C13orf46: variants seen among roughly 807,000 people sequenced by gnomAD.
The protein encoded by C13orf46 is chromosome 13 open reading frame 46.
chr13:113,927,912 C>T, the C13orf46 span: 7 of 302,638 alleles, frequency 2.3e-5, no homozygotes, highest in East Asian at 1.0e-4. Context: ...TGGCCCCAGG[C>T]GACGTGAGGG....
chr13:113,952,679 G>A (rs1032253395), downstream of C13orf46, among the ~76,000 whole-genome samples: 1 of 152,212 alleles, frequency 6.6e-6, no homozygotes, highest in African/African-American at 2.4e-5. Flanking sequence ...GAAGGCCAAG[G>A]GCAGCGTCCT....
chr13:113,965,947 ATGATGG>A lies in C13orf46; in HGVS notation c.505-959_505-954del, dbSNP rs1252230470. 5.0e-3 allele frequency among the ~76,000 whole-genome samples: 748 copies of A among 148,658 alleles called. 15 individuals carry two copies. In the East Asian group the frequency reaches 0.065, roughly 13 times the overall value. ...AATGATGATGATTATGATGGTGATG[ATGATGG>A]TGATGGTGATTATAATGTTGGTGAT... On this transcript the variant is annotated intron_variant, in intron 5 of 6. Coordinates refer to ENST00000636427, the MANE Select transcript of C13orf46 (RefSeq NM_001365455.2).
chr13:113,945,601 G>GAAGAA, the C13orf46 span, among the ~76,000 whole-genome samples: 2 of 114,258 alleles, frequency 1.8e-5, no homozygotes, highest in African/African-American at 7.1e-5. Flanking sequence ...GAGAAAGAAA[G>GAAGAA]AAAGAAGAAA....
At chr13:113,971,585 C>G (rs193077774) in intron 1 of C13orf46, among the ~76,000 whole-genome samples, 30 of 152,354 alleles carry the variant, frequency 2.0e-4, no homozygotes, top group African/African-American at 7.0e-4. Flanking sequence ...CGCTGGTCTC[C>G]TGTGCTCCGC....
At chr13:113,940,149 C>T in the C13orf46 span, among the ~76,000 whole-genome samples, 35 of 152,356 alleles carry the variant, frequency 2.3e-4, no homozygotes, top group Non-Finnish European at 4.9e-4. Context: ...GCCTCAGATG[C>T]ACCGTCAGCC....
At chr13:113,937,685 C>A in the C13orf46 span, among the ~76,000 whole-genome samples, 1,557 of 152,272 alleles carry the variant, frequency 0.01, 23 homozygotes, top group African/African-American at 0.036. Flanking sequence ...CAACATACAT[C>A]GGATGAACGC....
chr13:113,948,799 A>G (rs2052479075), downstream of C13orf46, among the ~76,000 whole-genome samples: 1 of 152,186 alleles, frequency 6.6e-6, no homozygotes, highest in African/African-American at 2.4e-5. Context: ...AAATTAAGAG[A>G]TTTGTATTGT....
At chr13:113,949,188 G>A (rs2052480114), downstream of C13orf46, among the ~76,000 whole-genome samples, 5 of 152,364 alleles carry the variant, frequency 3.3e-5, no homozygotes, top group South Asian at 1.0e-3. Context: ...AGCCCCCACG[G>A]TGCTCAGAGA....
At chr13:113,950,998 G>A (rs2052486506), downstream of C13orf46, among the ~76,000 whole-genome samples, 1 of 152,186 alleles carries the variant, frequency 6.6e-6, no homozygotes, top group Non-Finnish European at 1.5e-5. Context: ...AGGGTTTTGT[G>A]GGGTCACGTG....
chr13:113,926,564 C>T, the C13orf46 span: 3 of 152,100 alleles, frequency 2.0e-5, no homozygotes, highest in Non-Finnish European at 4.4e-5. Context: ...ACGGACAAAT[C>T]CATAGAGACA....
chr13:113,952,236 G>A (rs1207077346), downstream of C13orf46, among the ~76,000 whole-genome samples: 2 of 152,178 alleles, frequency 1.3e-5, no homozygotes, highest in Admixed American at 1.3e-4. Context: ...GGCGTGGCTG[G>A]AGGAACTGCG....
At chr13:113,932,423 G>T in the C13orf46 span, among the ~76,000 whole-genome samples, 1 of 152,216 alleles carries the variant, frequency 6.6e-6, no homozygotes, top group East Asian at 1.9e-4. Flanking sequence ...CCATGCTGGT[G>T]GGTTTGTAGG....
At chr13:113,927,849 T>G in the C13orf46 span, 1 of 379,410 alleles carries the variant, frequency 2.6e-6, no homozygotes, top group Admixed American at 4.6e-5. Context: ...ATGTCCAACT[T>G]TGTCAAGATC....
intron 5 of C13orf46, among the ~76,000 whole-genome samples, chr13:113,965,436 C>A (rs1047518240): frequency 5.3e-5 from 8 of 152,216 alleles, no homozygotes; most frequent in Non-Finnish European, 1.0e-4. Flanking sequence ...TTCACTACAG[C>A]AAAGACATGG....
the C13orf46 span, among the ~76,000 whole-genome samples, chr13:113,943,316 A>G: frequency 3.9e-5 from 6 of 152,164 alleles, no homozygotes; most frequent in Non-Finnish European, 4.4e-5. Flanking sequence ...TACATTTAAG[A>G]AATATGCTGG....
At chr13:113,949,297 T>C (rs1204262523), downstream of C13orf46, among the ~76,000 whole-genome samples, 2 of 152,032 alleles carry the variant, frequency 1.3e-5, no homozygotes, top group Non-Finnish European at 2.9e-5. Flanking sequence ...CCCTGGGAGG[T>C]GTTCTAGTGA....
intron 6 of C13orf46, among the ~76,000 whole-genome samples, chr13:113,958,931 G>T (rs1165336997): frequency 6.6e-6 from 1 of 152,144 alleles, no homozygotes; most frequent in East Asian, 1.9e-4. Context: ...TTGGCTGACA[G>T]CCCTGAGTTT....
the C13orf46 span, chr13:113,928,196 AC>A: frequency 6.6e-6 from 1 of 152,304 alleles, no homozygotes; most frequent in African/African-American, 2.4e-5. Flanking sequence ...CGGCCCCTGC[AC>A]AGCCAAGGCC....
chr13:113,930,344 A>AGGAGCACCGAGGTGGGGGCGCG, the C13orf46 span, among the ~76,000 whole-genome samples: 1 of 85,440 alleles, frequency 1.2e-5, no homozygotes, highest in Non-Finnish European at 2.6e-5. Context: ...GTGGGAGTGG[A>AGGAGCACCGAGGTGGGGGCGCG]GGAGCACCGA....
Sources: allele counts gnomAD v4.1 joint callset (sites outside exome capture counted in the v4.1 genomes callset), GRCh38; gene constraint gnomAD v4.1.1; transcripts MANE v1.5; gene names NCBI Gene and HGNC (gene_info 2026-07-23, HGNC 2026-07-21).